The following DCDC1 variants were observed in gnomAD, a reference collection of about 807,000 sequenced individuals.
DCDC1 encodes the protein doublecortin domain containing 1, also known as doublecortin domain-containing protein 1.
Under a neutral mutation model 178.3 loss-of-function variants are expected in DCDC1, and 200 were observed. That is an observed-to-expected ratio of 1.12 (90% CI 1.00 to 1.26). DCDC1 has a LOEUF of 1.26. DCDC1 is among the 50% of genes most tolerant of loss of function. The pLI is 0.00. For missense variants in DCDC1, 1,983 were observed against 1,749.2 expected (o/e 1.13, Z -2.38); for synonymous variants, 690 against 604.8 (o/e 1.14, Z -2.07).
At chr11:31,106,090 T>C (rs1958825092) in intron 13 of DCDC1, among the ~76,000 whole-genome samples, 1 of 152,208 alleles carries the variant, frequency 6.6e-6, no homozygotes, top group Non-Finnish European at 1.5e-5. Flanking sequence ...TCAGTGCCTA[T>C]ATACTGCAGC....
intron 5 of DCDC1, 24 bp downstream of exon 5, chr11:31,306,208 A>T: frequency 3.4e-6 from 5 of 1,465,958 alleles, no homozygotes; most frequent in Non-Finnish European, 4.5e-6. Context: ...AATAAAGCAC[A>T]GAAAACTTTG....
intron 9 of DCDC1, among the ~76,000 whole-genome samples, chr11:31,226,904 C>T (rs1018340725): frequency 7.6e-4 from 115 of 151,854 alleles, no homozygotes; most frequent in African/African-American, 2.7e-3. Context: ...TATAGGAATA[C>T]AAGATTTTCT....
Position 30,909,007 on chromosome 11 carries a change from G to T in DCDC1, c.3857C>A (p.Ser1286Ter). 2 of 1,611,008 alleles carry T rather than the reference G, an allele frequency of 1.2e-6. No homozygotes were observed. The highest frequency in any genetic ancestry group is 2.2e-5 in the East Asian group (1 of 44,754). Residue 1286 changes from serine to a stop codon, truncating the protein, a stop_gained, in exon 29 of 39, where the codon TCA becomes TAA. Transcript: ENST00000684477. LOFTEE classifies it high-confidence loss of function. ...HSTALDKEIT[S>*]ANYAGVCTSS... is the part of the protein sequence containing the mutation. ...TGTACAGACACCAGCATAATTTGCT[G>T]ATGTAATTTCCTTATCCAAGGCAGT...
At position 31,011,952 on chromosome 11, in the gene DCDC1, G is replaced by A. The variant is rs1234630950; in HGVS notation, c.2591+52517C>T. On this transcript the variant is annotated intron_variant, in intron 20 of 38. Transcript: ENST00000684477. ...CAGCGTTGGAGGAGGGGCCTGGTGG[G>A]AGGTGATTGGATTATGAGGATGGAT... 3.3e-5 allele frequency among the ~76,000 whole-genome samples: 5 copies of A among 152,176 alleles called. No homozygotes were observed. The East Asian group carries it at 9.6e-4, about 29-fold the overall frequency.
chr11:30,992,617 C>T (rs1951051553), intron 20 of DCDC1: 1 of 152,162 alleles, frequency 6.6e-6, no homozygotes, highest in South Asian at 2.1e-4. Flanking sequence ...GTCATATCCT[C>T]AGCAGGTCTC....
chr11:31,010,519 G>T (rs535955013), intron 20 of DCDC1, among the ~76,000 whole-genome samples: 12 of 152,288 alleles, frequency 7.9e-5, no homozygotes, highest in African/African-American at 2.9e-4. Flanking sequence ...ATAATGTTAT[G>T]TAATGATATG....
chr11:31,357,540 C>T (rs1447264133), intron 1 of DCDC1, among the ~76,000 whole-genome samples: 2 of 152,292 alleles, frequency 1.3e-5, no homozygotes, highest in South Asian at 2.1e-4. Flanking sequence ...GACAGGGATG[C>T]CCTCTCTCAC....
intron 9 of DCDC1, among the ~76,000 whole-genome samples, chr11:31,209,026 A>G (rs934602532): frequency 2.0e-5 from 3 of 152,160 alleles, no homozygotes; most frequent in East Asian, 1.9e-4. Flanking sequence ...ACATTTCTCA[A>G]TTCCTAGAGT....
intron 1 of DCDC1, among the ~76,000 whole-genome samples, chr11:31,343,224 G>C (rs112208367): frequency 6.6e-6 from 1 of 152,128 alleles, no homozygotes. Flanking sequence ...AGACTGAGGC[G>C]AGAGGATCAC....
At chr11:30,955,253 C>T (rs1948700370) in intron 20 of DCDC1, among the ~76,000 whole-genome samples, 1 of 152,130 alleles carries the variant, frequency 6.6e-6, no homozygotes, top group Non-Finnish European at 1.5e-5. Context: ...TATTGTTACT[C>T]CATCCACTTC....
Position 31,081,610 on chromosome 11 carries a change from CA to C in DCDC1, c.2238-3686del, listed in dbSNP as rs372240142. On this transcript the variant is annotated intron_variant, in intron 17 of 38. Coordinates refer to ENST00000684477, the MANE Select transcript of DCDC1 (RefSeq NM_001387274.1). ...GGGCAACAAGAGTGAAACTCCATCTCAAAAAAAAAAGAAAAGAAAAGAAAAG... is the reference window on the plus strand; with the variant it reads ...GGGCAACAAGAGTGAAACTCCATCTCAAAAAAAAAGAAAAGAAAAGAAAAG... Among the ~76,000 whole-genome samples the C allele has an allele frequency of 3.8e-4, 53 of 140,328 alleles. No individual in the cohort carries two copies. In the South Asian group the frequency reaches 3.8e-3, roughly 10 times the overall value. 92.1% of individuals were successfully genotyped at this position (140,328 alleles called of 152,430 possible). A position where few individuals can be genotyped will look rare whatever the true frequency, so the allele number is the denominator to read the frequency against.
chr11:31,014,961 T>C (rs1362137541), intron 20 of DCDC1, among the ~76,000 whole-genome samples: 1 of 151,882 alleles, frequency 6.6e-6, no homozygotes, highest in Non-Finnish European at 1.5e-5. Flanking sequence ...TTTTTTTTTT[T>C]TTTTGAGATG....
chr11:31,064,944 C>T, intron 19 of DCDC1, 75 bp downstream of exon 19: 1 of 628,882 alleles, frequency 1.6e-6, no homozygotes. Context: ...CTGAAAACAA[C>T]TTGAACATTT....
rs56058117 is a variant in DCDC1, at chr11:30,978,779, A to AACACACACAC, written c.2592-26221_2592-26212dup. ...TTCTTCATCCTCCCAGTCCCCCCTC[A>AACACACACAC]ACACACACACACACACACACACACA... On this transcript the variant is annotated intron_variant, in intron 20 of 38. Coordinates refer to ENST00000684477, the MANE Select transcript of DCDC1 (RefSeq NM_001387274.1). Among the ~76,000 whole-genome samples, 105 of 119,022 alleles carry AACACACACAC rather than the reference A, an allele frequency of 8.8e-4. 1 individual carries two copies. Among genetic ancestry groups the AACACACACAC allele is most frequent in the African/African-American group, 3.3e-3 (87 of 26,580 alleles). 78.1% of individuals were successfully genotyped at this position (119,022 alleles called of 152,430 possible).
At chr11:31,235,240 G>A (rs1300403799) in intron 9 of DCDC1, among the ~76,000 whole-genome samples, 1 of 151,892 alleles carries the variant, frequency 6.6e-6, no homozygotes, top group Non-Finnish European at 1.5e-5. Context: ...AATTATGGAA[G>A]TCATTCACAC....
Position 31,265,530 on chromosome 11 carries a change from C to A in DCDC1, c.1031G>T (p.Arg344Ile). Residue 344 changes from arginine to isoleucine, a missense_variant, in exon 8 of 39, where the codon AGA becomes ATA. Arg to Ile is a moderately conservative substitution (Grantham distance 97). Coordinates refer to ENST00000684477, the MANE Select transcript of DCDC1 (RefSeq NM_001387274.1). ...PARYFYDLYGRKIEDISKVPL... is the reference protein window; with the variant it reads ...PARYFYDLYGIKIEDISKVPL... ...ACCTTTTGAAATATCTTCAATTTTT[C>A]TGCCATACAAATCATAAAAATATCT... 1 of 1,435,258 alleles carries A rather than the reference C, an allele frequency of 7.0e-7. No homozygotes were observed. The highest frequency in any genetic ancestry group is 1.7e-5 in the South Asian group (1 of 60,276). 88.9% of individuals were successfully genotyped at this position (1,435,258 alleles called of 1,614,324 possible). A position where few individuals can be genotyped will look rare whatever the true frequency, so the allele number is the denominator to read the frequency against.
intron 3 of DCDC1, among the ~76,000 whole-genome samples, chr11:31,315,646 CTTTTTTTTTT>C (rs59083470): frequency 8.9e-6 from 1 of 112,428 alleles, no homozygotes; most frequent in Non-Finnish European, 1.7e-5. Context: ...ATCTGCATAC[CTTTTTTTTTT>C]TTTTTTTTTT....
At chr11:30,889,436 G>T (rs1943581875) in intron 36 of DCDC1, among the ~76,000 whole-genome samples, 1 of 152,208 alleles carries the variant, frequency 6.6e-6, no homozygotes, top group African/African-American at 2.4e-5. Flanking sequence ...GAAGCACTTT[G>T]AAATGTGATC....
rs1555173338 is a variant in DCDC1 at position 31,309,142 on chromosome 11, T to TGTGTGTGTGTGTG, written c.165-1235_165-1234insCACACACACACAC. ...CACACATCAGAGGGAAAATAGATGT[T>TGTGTGTGTGTGTG]TGTGTGTGTGTGTGTGTGTGTGTGT... On this transcript the variant is annotated intron_variant, in intron 3 of 38. Coordinates refer to ENST00000684477, the MANE Select transcript of DCDC1 (RefSeq NM_001387274.1). Among the ~76,000 whole-genome samples the TGTGTGTGTGTGTG allele has an allele frequency of 3.1e-3, 455 of 148,046 alleles. 12 individuals are homozygous for TGTGTGTGTGTGTG. The highest frequency in any genetic ancestry group is 4.1e-3 in the Non-Finnish European group (275 of 66,998).
Sources: allele counts gnomAD v4.1 joint callset (sites outside exome capture counted in the v4.1 genomes callset), GRCh38; gene constraint gnomAD v4.1.1; transcripts MANE v1.5; gene names NCBI Gene and HGNC (gene_info 2026-07-23, HGNC 2026-07-21).